The following USH1G variants were observed in gnomAD, a reference collection of about 807,000 sequenced individuals.
The protein encoded by USH1G is USH1 protein network component sans.
USH1G carries 27 observed loss-of-function variants against 31.9 expected under a neutral mutation model. The ratio of observed to expected loss-of-function variants is 0.85; its 90% CI spans 0.62 to 1.17. The LOEUF (loss-of-function observed/expected upper bound fraction) is 1.17, where lower values mean the gene tolerates loss of function less well. Ranked by LOEUF, USH1G falls within the 50% of genes most tolerant of loss-of-function variation. The pLI, the probability that USH1G is intolerant of heterozygous loss-of-function variation, is 0.00. For missense variants in USH1G, 674 were observed against 638.9 expected (o/e 1.05, Z -0.59); for synonymous variants, 266 against 283.2 (o/e 0.94, Z 0.61).
Position 74,916,277 on chromosome 17 carries a change from TG to T in USH1G, c.*1795del, listed in dbSNP as rs919876587. 6.6e-6 allele frequency: 1 copy of T among 152,270 alleles called. No homozygotes were observed. Among genetic ancestry groups the T allele is most frequent in the Non-Finnish European group, 1.5e-5 (1 of 68,068 alleles). 9.4% of individuals were successfully genotyped at this position (152,270 alleles called of 1,614,324 possible). A position where few individuals can be genotyped will look rare whatever the true frequency, so the allele number is the denominator to read the frequency against. On this transcript the variant is annotated 3_prime_UTR_variant, in exon 3 of 3. Coordinates refer to ENST00000614341, the MANE Select transcript of USH1G (RefSeq NM_173477.5). Reference sequence around the variant, plus strand: ...GCTCTGGGAGAAACAAGTCGGCACTTGGGGGTGGCCCCAGGCTCAGGCCCAG... The same window carrying T: ...GCTCTGGGAGAAACAAGTCGGCACTTGGGGTGGCCCCAGGCTCAGGCCCAG...
rs1484089919 is a variant in USH1G, at chr17:74,920,647, G to A, written c.189C>T (p.Ile63=). The A allele has an allele frequency of 1.9e-6, 3 of 1,613,646 alleles. No individual in the cohort carries two copies. The African/African-American group carries it at 4.0e-5, about 22-fold the overall frequency. ...SRGGDPDKCD[I]WGNTPLHLAA... is the part of the protein sequence containing the mutation. ...CCAGATGCAGGGGTGTGTTGCCCCA[G>A]ATGTCACACTTGTCCGGGTCACCCC... Residue 63 remains isoleucine (I), a synonymous_variant, in exon 2 of 3, where the codon ATC becomes ATT. Coordinates refer to ENST00000614341, the MANE Select transcript of USH1G (RefSeq NM_173477.5). This position sits in a 1 kb window ranked among gnomAD's most constrained non-coding sequence, Gnocchi z 5.2.
Position 74,918,208 on chromosome 17 carries a change from C to T in USH1G, c.1383-132G>A, listed in dbSNP as rs568778104. ...CAGGCCAATTGTCAGGGATGGGGGA[C>T]GCCAGCCTATGGGTGACCTCCCCAT... On this transcript the variant is annotated intron_variant, in intron 2 of 2. Coordinates refer to ENST00000614341, the MANE Select transcript of USH1G (RefSeq NM_173477.5). The surrounding 1 kb of genome is among the most constrained non-coding windows in gnomAD (Gnocchi z 4.1). 35 of 1,291,202 alleles carry T rather than the reference C, an allele frequency of 2.7e-5. No homozygotes were observed. Among genetic ancestry groups the T allele is most frequent in the South Asian group, 2.0e-4 (16 of 79,122 alleles). The allele number at this position is 1,291,202 out of a possible 1,614,324, so 80.0% of individuals were successfully genotyped here.
chr17:74,918,357 G>A lies in USH1G; in HGVS notation c.1383-281C>T, dbSNP rs189968524. Among the ~76,000 whole-genome samples, 4 of 152,302 alleles carry A rather than the reference G, an allele frequency of 2.6e-5. No homozygotes were observed. The East Asian group carries it at 7.7e-4, about 29-fold the overall frequency. On this transcript the variant is annotated intron_variant, in intron 2 of 2. Coordinates refer to ENST00000614341, the MANE Select transcript of USH1G (RefSeq NM_173477.5). The surrounding 1 kb of genome is among the most constrained non-coding windows in gnomAD (Gnocchi z 4.1). ...TTGTTGGGCCTGTGGGATGCCATTG[G>A]GGAGGGGCCAGGGCAGGGGCTGGCC...
Position 74,918,167 on chromosome 17 carries a change from C to A in USH1G, c.1383-91G>T. 4.5e-6 allele frequency: 7 copies of A among 1,560,830 alleles called. No individual in the cohort carries two copies. The highest frequency in any genetic ancestry group is 6.1e-6 in the Non-Finnish European group (7 of 1,141,548). ...CAGGGCAGCCATCTGGACAACTTAGCCTCCCCATCTCTCGGCAGGCCAATT... is the reference window on the plus strand; with the variant it reads ...CAGGGCAGCCATCTGGACAACTTAGACTCCCCATCTCTCGGCAGGCCAATT... On this transcript the variant is annotated intron_variant, in intron 2 of 2. Transcript: ENST00000614341. This position sits in a 1 kb window ranked among gnomAD's most constrained non-coding sequence, Gnocchi z 4.1.
chr17:74,920,745 G>T lies in USH1G; in HGVS notation c.165-74C>A. On this transcript the variant is annotated intron_variant, in intron 1 of 2. Transcript: ENST00000614341. This position sits in a 1 kb window ranked among gnomAD's most constrained non-coding sequence, Gnocchi z 5.2. The stretch of plus-strand genomic sequence containing the variant: ...ATGGAGGTGGAGGGAGTGGAGGGGG[G>T]AGGGGAGCTTCCCCACTGTCACAGC... The T allele has an allele frequency of 1.9e-6, 3 of 1,567,170 alleles. No homozygotes were observed. Among genetic ancestry groups the T allele is most frequent in the Non-Finnish European group, 2.6e-6 (3 of 1,146,782 alleles).
At position 74,920,018 on chromosome 17, in the gene USH1G, C is replaced by T. The variant is rs763109178; in HGVS notation, c.818G>A (p.Arg273Gln). 16 of 1,611,754 alleles carry T rather than the reference C, an allele frequency of 9.9e-6. No individual in the cohort carries two copies. Among genetic ancestry groups the T allele is most frequent in the Non-Finnish European group, 1.3e-5 (15 of 1,179,702 alleles). ...GTCCTCGTCCGAGAGGAACATGTCCCGGAGCGGGGCTCGGCCCCACTCCTT... is the reference window on the plus strand; with the variant it reads ...GTCCTCGTCCGAGAGGAACATGTCCTGGAGCGGGGCTCGGCCCCACTCCTT... ...NPKEWGRAPL[R>Q]DMFLSDEDSV... Residue 273 changes from arginine to glutamine, a missense_variant, in exon 2 of 3, where the codon CGG becomes CAG. Physicochemically the swap from Arg to Gln is conservative, Grantham distance 43 (BLOSUM62 1). Coordinates refer to ENST00000614341, the MANE Select transcript of USH1G (RefSeq NM_173477.5). This position sits in a 1 kb window ranked among gnomAD's most constrained non-coding sequence, Gnocchi z 5.2.
At position 74,923,182 on chromosome 17, in the gene USH1G, G is replaced by A. The variant is rs1451279735; in HGVS notation, c.-109C>T. On this transcript the variant is annotated 5_prime_UTR_variant, in exon 1 of 3. Coordinates refer to ENST00000614341, the MANE Select transcript of USH1G (RefSeq NM_173477.5). The surrounding 1 kb of genome is among the most constrained non-coding windows in gnomAD (Gnocchi z 5.3). Reference sequence around the variant, plus strand: ...GAGGTTGGAGGACGGGGCCGGGCAGGGGCCGGGGCCGCCAGCCCCCGCTGC... The same window carrying A: ...GAGGTTGGAGGACGGGGCCGGGCAGAGGCCGGGGCCGCCAGCCCCCGCTGC... 2.1e-5 allele frequency: 22 copies of A among 1,060,932 alleles called. No homozygotes were observed. The highest frequency in any genetic ancestry group is 2.4e-5 in the Non-Finnish European group (19 of 797,390). 65.7% of individuals were successfully genotyped at this position (1,060,932 alleles called of 1,614,324 possible).
chr17:74,920,419 G>A lies in USH1G; in HGVS notation c.417C>T (p.Ala139=), dbSNP rs2144755064. 6.2e-7 allele frequency: 1 copy of A among 1,613,622 alleles called. No homozygotes were observed. The highest frequency in any genetic ancestry group is 8.5e-7 in the Non-Finnish European group (1 of 1,180,046). ...PKLVGKLKDK[A]FREAERRIRE... is the part of the protein sequence containing the mutation. ...GGATGCGCCGCTCCGCCTCGCGGAA[G>A]GCCTTGTCCTTCAGCTTACCCACCA... The change falls in exon 2 of 3, where the codon GCC becomes GCT. Residue 139 remains alanine, a synonymous_variant. Coordinates refer to ENST00000614341, the MANE Select transcript of USH1G (RefSeq NM_173477.5). This position sits in a 1 kb window ranked among gnomAD's most constrained non-coding sequence, Gnocchi z 5.2.
chr17:74,916,221 G>T lies in USH1G; in HGVS notation c.*1852C>A. The T allele has an allele frequency of 6.6e-6, 1 of 152,518 alleles. No individual in the cohort carries two copies. The allele number at this position is 152,518 out of a possible 1,614,324, so 9.4% of individuals were successfully genotyped here. The stretch of plus-strand genomic sequence containing the variant: ...GGAGGGGCTGCGGCAGTAAACGGAC[G>T]AGGAACAGGAGAGAAGGGGCAGCAC... On this transcript the variant is annotated 3_prime_UTR_variant, in exon 3 of 3. Coordinates refer to ENST00000614341, the MANE Select transcript of USH1G (RefSeq NM_173477.5).
chr17:74,922,990 G>A lies in USH1G; in HGVS notation c.84C>T (p.Pro28=), dbSNP rs397517929. The part of the protein sequence containing the change: ...KEATRKELNA[P]DEDGMTPTLW... The stretch of plus-strand genomic sequence containing the variant: ...GAGTGGGGGTCATGCCATCCTCGTC[G>A]GGGGCATTCAGCTCCTTTCGGGTGG... The change falls in exon 1 of 3, where the codon CCC becomes CCT. Residue 28 remains proline (P), a synonymous_variant. Coordinates refer to ENST00000614341, the MANE Select transcript of USH1G (RefSeq NM_173477.5). 1 of 1,565,928 alleles carries A rather than the reference G, an allele frequency of 6.4e-7. No homozygotes were observed. Among genetic ancestry groups the A allele is most frequent in the Non-Finnish European group, 8.7e-7 (1 of 1,153,890 alleles).
chr17:74,922,596 T>G (rs1179509557), intron 1 of USH1G, among the ~76,000 whole-genome samples: 1 of 151,886 alleles, frequency 6.6e-6, no homozygotes, highest in Non-Finnish European at 1.5e-5. Flanking sequence ...AGTCTCACTA[T>G]CCCCTCACTC....
In USH1G at chr17:74,920,040, C is replaced by A; in HGVS notation, c.796G>T (p.Glu266Ter). The A allele has an allele frequency of 6.2e-7, 1 of 1,610,666 alleles. No individual in the cohort carries two copies. Among genetic ancestry groups the A allele is most frequent in the Non-Finnish European group, 8.5e-7 (1 of 1,179,734 alleles). The change falls in exon 2 of 3, where the codon GAG becomes TAG. Residue 266 changes from glutamate (E) to a stop codon, truncating the protein, a stop_gained. Coordinates refer to ENST00000614341, the MANE Select transcript of USH1G (RefSeq NM_173477.5). LOFTEE classifies it high-confidence loss of function. The surrounding 1 kb of genome is among the most constrained non-coding windows in gnomAD (Gnocchi z 5.2). ...TCCCGGAGCGGGGCTCGGCCCCACT[C>A]CTTGGGATTGGCGTAGGTGCCCTGG... ...VRQGTYANPK[E>*]WGRAPLRDMF...
chr17:74,921,546 A>C lies in USH1G; in HGVS notation c.165-875T>G, dbSNP rs113668420. On this transcript the variant is annotated intron_variant, in intron 1 of 2. Transcript: ENST00000614341. This position sits in a 1 kb window ranked among gnomAD's most constrained non-coding sequence, Gnocchi z 4.6. ...CCCTGCCCTGCACTAATGAGGCCAC[A>C]AGGCCAACCCCCAGGGCTGGGGGAA... Among the ~76,000 whole-genome samples, 997 of 152,218 alleles carry C rather than the reference A, an allele frequency of 6.5e-3. 10 individuals carry two copies. Among genetic ancestry groups the C allele is most frequent in the African/African-American group, 0.02 (836 of 41,542 alleles).
rs1288611714 is a variant in USH1G at position 74,920,222 on chromosome 17, G to A, written c.614C>T (p.Thr205Met). 3 of 1,603,100 alleles carry A rather than the reference G, an allele frequency of 1.9e-6. No individual in the cohort carries two copies. The highest frequency in any genetic ancestry group is 2.2e-5 in the South Asian group (2 of 91,084). Residue 205 changes from threonine to methionine, a missense_variant, in exon 2 of 3, where the codon ACG becomes ATG. Thr to Met is a moderately conservative substitution (Grantham distance 81, BLOSUM62 -1). Transcript: ENST00000614341. The surrounding 1 kb of genome is among the most constrained non-coding windows in gnomAD (Gnocchi z 5.2). ...LGSHLPYSQA[T>M]LHGTARGKTK... ...CTTGCCCCTGGCCGTGCCGTGCAGC[G>A]TGGCCTGAGAGTACGGCAGGTGGCT...
Position 74,920,394 on chromosome 17 carries a change from G to A in USH1G, c.442C>T (p.Arg148Cys). The A allele has an allele frequency of 2.5e-6, 4 of 1,613,236 alleles. No homozygotes were observed. The highest frequency in any genetic ancestry group is 3.4e-6 in the Non-Finnish European group (4 of 1,180,026). ...KAFREAERRI[R>C]ECAKLQRRHH... Reference sequence around the variant, plus strand: ...CTCCGCTGCAGCTTGGCGCACTCGCGGATGCGCCGCTCCGCCTCGCGGAAG... The same window carrying A: ...CTCCGCTGCAGCTTGGCGCACTCGCAGATGCGCCGCTCCGCCTCGCGGAAG... Residue 148 changes from arginine (R) to cysteine (C), a missense_variant, in exon 2 of 3, where the codon CGC becomes TGC. Coordinates refer to ENST00000614341, the MANE Select transcript of USH1G (RefSeq NM_173477.5). This position sits in a 1 kb window ranked among gnomAD's most constrained non-coding sequence, Gnocchi z 5.2.
Position 74,920,051 on chromosome 17 carries a change from G to C in USH1G, c.785C>G (p.Ala262Gly), listed in dbSNP as rs1012544137. The C allele has an allele frequency of 1.2e-6, 2 of 1,609,614 alleles. No individual in the cohort carries two copies. The highest frequency in any genetic ancestry group is 1.7e-6 in the Non-Finnish European group (2 of 1,179,688). ...DVMFVRQGTY[A>G]NPKEWGRAPL... The stretch of plus-strand genomic sequence containing the variant: ...GGCTCGGCCCCACTCCTTGGGATTG[G>C]CGTAGGTGCCCTGGCGCACGAACAT... Residue 262 changes from alanine (A) to glycine (G), a missense_variant, in exon 2 of 3, where the codon GCC becomes GGC. Ala to Gly is a moderately conservative substitution (Grantham distance 60). Transcript: ENST00000614341. The surrounding 1 kb of genome is among the most constrained non-coding windows in gnomAD (Gnocchi z 5.2).
Position 74,921,696 on chromosome 17 carries a change from CCAATCCTGGT to C in USH1G, c.165-1035_165-1026del, listed in dbSNP as rs1239655812. ...CACCCAACCCACAACCCATCAAACA[CCAATCCTGGT>C]CTCTGGAGGAGTTGGGGCTTGGTGT... On this transcript the variant is annotated intron_variant, in intron 1 of 2. Coordinates refer to ENST00000614341, the MANE Select transcript of USH1G (RefSeq NM_173477.5). The surrounding 1 kb of genome is among the most constrained non-coding windows in gnomAD (Gnocchi z 4.6). Among the ~76,000 whole-genome samples the C allele has an allele frequency of 1.3e-5, 2 of 152,222 alleles. No individual in the cohort carries two copies. The highest frequency in any genetic ancestry group is 2.9e-5 in the Non-Finnish European group (2 of 68,036).
rs2038946661 is a variant in USH1G, at chr17:74,921,837, T to C, written c.164+1073A>G. ...GGGGTGGGGAAGGGCCAGCCAGCCTTGGCCTCACGGGACATGGTTCAGCTG... is the reference window on the plus strand; with the variant it reads ...GGGGTGGGGAAGGGCCAGCCAGCCTCGGCCTCACGGGACATGGTTCAGCTG... On this transcript the variant is annotated intron_variant, in intron 1 of 2. Transcript: ENST00000614341. The surrounding 1 kb of genome is among the most constrained non-coding windows in gnomAD (Gnocchi z 4.6). Among the ~76,000 whole-genome samples the C allele has an allele frequency of 6.6e-6, 1 of 152,108 alleles. No homozygotes were observed. The highest frequency in any genetic ancestry group is 2.4e-5 in the African/African-American group (1 of 41,424).
In USH1G at chr17:74,917,977, G is replaced by A; in HGVS notation, c.*96C>T. On this transcript the variant is annotated 3_prime_UTR_variant, in exon 3 of 3. Coordinates refer to ENST00000614341, the MANE Select transcript of USH1G (RefSeq NM_173477.5). ...CCAACTGGTCCTTGCTCCTGGGGAA[G>A]GGGGCTGCAGGGCTGGCAACTGTGA... is the stretch of plus-strand genomic sequence containing the variant. The A allele has an allele frequency of 6.5e-7, 1 of 1,532,530 alleles. No individual in the cohort carries two copies. The highest frequency in any genetic ancestry group is 1.1e-5 in the South Asian group (1 of 87,672). The allele number at this position is 1,532,530 out of a possible 1,614,324, so 94.9% of individuals were successfully genotyped here.
Sources: allele counts gnomAD v4.1 joint callset (sites outside exome capture counted in the v4.1 genomes callset), GRCh38; gene constraint gnomAD v4.1.1; non-coding constraint Gnocchi (gnomAD v3.1); transcripts MANE v1.5; gene names NCBI Gene and HGNC (gene_info 2026-07-23, HGNC 2026-07-21).